Variants in MAPKAP1 observed in about 807,000 individuals in gnomAD.
The protein encoded by MAPKAP1 is MAPK associated protein 1.
MAPKAP1 carries 20 observed loss-of-function variants against 65.7 expected under a neutral mutation model. That is an observed-to-expected ratio of 0.30 (90% CI 0.21 to 0.44). The LOEUF (loss-of-function observed/expected upper bound fraction) is 0.44, where lower values mean the gene tolerates loss of function less well. MAPKAP1 is among the 20% of genes least tolerant of loss of function. MAPKAP1 has a pLI of 1.00. For synonymous variants in MAPKAP1, 222 were observed against 244.3 expected, an observed-to-expected ratio of 0.91 and a Z score of 0.85; for missense variants, 423 against 648.0, an observed-to-expected ratio of 0.65 and a Z score of 3.77.
chr9:125,521,168 G>C (rs1480763464), intron 7 of MAPKAP1, among the ~76,000 whole-genome samples: 2 of 152,204 alleles, frequency 1.3e-5, no homozygotes, highest in East Asian at 3.8e-4. Context: ...CAGAGAGTGT[G>C]CTTGAAGGCG....
chr9:125,455,595 GTTTT>G (rs879327923), intron 10 of MAPKAP1, among the ~76,000 whole-genome samples: 1 of 146,988 alleles, frequency 6.8e-6, no homozygotes, highest in Admixed American at 6.8e-5. Context: ...AAGAAGTGTA[GTTTT>G]TTTTTTTTCC....
chr9:125,567,139 T>C lies in MAPKAP1; in HGVS notation c.672-7330A>G, dbSNP rs887500102. 2.6e-5 allele frequency among the ~76,000 whole-genome samples: 4 copies of C among 152,310 alleles called. No individual in the cohort carries two copies. In the South Asian group the frequency reaches 6.2e-4, roughly 24 times the overall value. ...CCATTTCTCAAATACTCCCAGAATC[T>C]GTCCACTTCTCTCAATCCCCACTGT... On this transcript the variant is annotated intron_variant, in intron 5 of 11. Transcript: ENST00000265960.
intron 7 of MAPKAP1, among the ~76,000 whole-genome samples, chr9:125,537,774 G>T (rs1042928852): frequency 2.5e-4 from 38 of 152,178 alleles, no homozygotes; most frequent in African/African-American, 8.9e-4. Flanking sequence ...GAGCTACTGT[G>T]CCTGACTAAA....
At chr9:125,652,752 T>TA (rs1393677164) in intron 4 of MAPKAP1, among the ~76,000 whole-genome samples, 2 of 151,806 alleles carry the variant, frequency 1.3e-5, no homozygotes, top group Admixed American at 6.6e-5. Flanking sequence ...ACCAAAAGTT[T>TA]AAAAAAAATA....
At position 125,586,513 on chromosome 9, in the gene MAPKAP1, T is replaced by G. The variant is rs181141073; in HGVS notation, c.499-786A>C. Among the ~76,000 whole-genome samples, 1,425 of 150,662 alleles carry G rather than the reference T, an allele frequency of 9.5e-3. 6 individuals are homozygous for G. The highest frequency in any genetic ancestry group is 0.014 in the Non-Finnish European group (949 of 67,920). ...AAAAGAGGACTGCTTTGTTGTTGTT[T>G]TTTTTTTTTATAACCCCTGCACCCT... On this transcript the variant is annotated intron_variant, in intron 4 of 11. Coordinates refer to ENST00000265960, the MANE Select transcript of MAPKAP1 (RefSeq NM_001006617.3).
chr9:125,582,304 T>C (rs969555975), intron 5 of MAPKAP1, among the ~76,000 whole-genome samples: 3 of 152,242 alleles, frequency 2.0e-5, no homozygotes, highest in African/African-American at 7.2e-5. Context: ...AGCTTAAACA[T>C]ATTTATTTGA....
chr9:125,687,674 A>C (rs1835026279), intron 1 of MAPKAP1, among the ~76,000 whole-genome samples: 1 of 151,846 alleles, frequency 6.6e-6, no homozygotes, highest in Non-Finnish European at 1.5e-5. Flanking sequence ...AGTTCTATCT[A>C]CACAGGAGGC....
chr9:125,649,798 CAAAAA>C (rs35503728), intron 4 of MAPKAP1, among the ~76,000 whole-genome samples: 6 of 76,214 alleles, frequency 7.9e-5, no homozygotes, highest in African/African-American at 2.3e-4. Context: ...AACTCCGTCT[CAAAAA>C]AAAAAAAAAA....
intron 7 of MAPKAP1, among the ~76,000 whole-genome samples, chr9:125,542,389 C>T (rs1354689366): frequency 6.6e-6 from 1 of 152,170 alleles, no homozygotes; most frequent in East Asian, 1.9e-4. Context: ...AGATATTCAA[C>T]ACGTCATATA....
rs142627460 is a variant in MAPKAP1 at position 125,676,712 on chromosome 9, G to A, written c.-69-4069C>T. ...AGTGGTGACGGTTGCACCATAATAT[G>A]AATGTATGTAATGCCAATGAACTAC... is the stretch of plus-strand genomic sequence containing the variant. On this transcript the variant is annotated intron_variant, in intron 1 of 11. Transcript: ENST00000265960. Among the ~76,000 whole-genome samples the A allele has an allele frequency of 8.5e-5, 13 of 152,300 alleles. No individual in the cohort carries two copies. The East Asian group carries it at 2.5e-3, about 29-fold the overall frequency.
intron 3 of MAPKAP1, among the ~76,000 whole-genome samples, chr9:125,664,800 G>A (rs549989007): frequency 3.3e-5 from 5 of 150,564 alleles, no homozygotes; most frequent in African/African-American, 1.2e-4. Flanking sequence ...CAAAGCTTCA[G>A]AAGCAGCTCC....
intron 4 of MAPKAP1, among the ~76,000 whole-genome samples, chr9:125,608,514 C>T (rs1245517110): frequency 1.3e-5 from 2 of 152,134 alleles, no homozygotes; most frequent in South Asian, 2.1e-4. Context: ...TTGGGGCCGC[C>T]GCTGTGGCAC....
At chr9:125,623,692 C>G (rs1832983055) in intron 4 of MAPKAP1, among the ~76,000 whole-genome samples, 1 of 18,514 alleles carries the variant, frequency 5.4e-5, no homozygotes, top group African/African-American at 6.2e-5. Flanking sequence ...GCCACCCCGT[C>G]CGGGAGGGAG....
intron 4 of MAPKAP1, among the ~76,000 whole-genome samples, chr9:125,632,073 T>C (rs1310209459): frequency 1.3e-5 from 2 of 151,822 alleles, no homozygotes; most frequent in African/African-American, 4.8e-5. Flanking sequence ...TACAAAAAAA[T>C]TAGCCAGGCA....
chr9:125,639,716 G>C (rs1334980231), intron 4 of MAPKAP1, among the ~76,000 whole-genome samples: 2 of 152,172 alleles, frequency 1.3e-5, no homozygotes, highest in Admixed American at 6.5e-5. Context: ...GGTGACGTCT[G>C]AGTTGGCTCT....
At chr9:125,619,146 C>CA in intron 4 of MAPKAP1, among the ~76,000 whole-genome samples, 1 of 152,126 alleles carries the variant, frequency 6.6e-6, no homozygotes, top group Admixed American at 6.5e-5. Flanking sequence ...AACACAAAAA[C>CA]AAAAAACTGT....
At chr9:125,448,280 G>A (rs1338375937) in intron 10 of MAPKAP1, among the ~76,000 whole-genome samples, 1 of 152,170 alleles carries the variant, frequency 6.6e-6, no homozygotes, top group Non-Finnish European at 1.5e-5. Flanking sequence ...CTAATAATCA[G>A]AATTCACACT....
At chr9:125,628,885 C>G (rs201198573) in intron 4 of MAPKAP1, among the ~76,000 whole-genome samples, 2 of 143,102 alleles carry the variant, frequency 1.4e-5, no homozygotes, top group African/African-American at 5.0e-5. Flanking sequence ...ACAACAACAA[C>G]AAGAACAACA....
At chr9:125,642,748 A>G (rs1833615112) in intron 4 of MAPKAP1, among the ~76,000 whole-genome samples, 1 of 152,090 alleles carries the variant, frequency 6.6e-6, no homozygotes, top group Non-Finnish European at 1.5e-5. Context: ...TTTGCAATAA[A>G]TCTCCACATT....
Sources: gnomAD v4.1 joint callset for allele counts (sites outside exome capture counted in the v4.1 genomes callset) on GRCh38, gnomAD v4.1.1 for gene constraint, MANE v1.5 for transcripts, NCBI Gene and HGNC (gene_info 2026-07-23, HGNC 2026-07-21) for gene names.